TTC6: variants seen among roughly 807,000 people sequenced by gnomAD.
TTC6 encodes the protein tetratricopeptide repeat protein 6.
In TTC6, 172 loss-of-function variants were observed where a neutral mutation model predicts 210.4. That is an observed-to-expected ratio of 0.82 (90% CI 0.72 to 0.93). The LOEUF is 0.93. Ranked by LOEUF, TTC6 falls within the 40% of genes least tolerant of loss-of-function variation. The pLI is 0.00. For missense variants in TTC6, 2,414 were observed against 2,318.1 expected (o/e 1.04, Z -0.85); for synonymous variants, 804 against 819.6 (o/e 0.98, Z 0.32).
In TTC6 at chr14:37,736,015, G is replaced by A. The variant is rs2095900620; in HGVS notation, c.1908+5G>A. The stretch of plus-strand genomic sequence containing the variant: ...CATAGCAGAACAAATTTTTGGGTAT[G>A]TACAATTTTTGTTCTTAATTAGGAT... On this transcript the variant is annotated splice_donor_5th_base_variant and intron_variant, in intron 8 of 30. Transcript: ENST00000553443. The A allele has an allele frequency of 3.4e-6, 5 of 1,488,764 alleles. No homozygotes were observed. The highest frequency in any genetic ancestry group is 1.4e-5 in the African/African-American group (1 of 71,842). 92.2% of individuals were successfully genotyped at this position (1,488,764 alleles called of 1,614,324 possible).
At chr14:37,670,398 A>G (rs1187887598) in intron 1 of TTC6, among the ~76,000 whole-genome samples, 2 of 151,302 alleles carry the variant, frequency 1.3e-5, no homozygotes, top group East Asian at 1.9e-4. Flanking sequence ...AGGAGGGCAT[A>G]TTAACTATTA....
At chr14:37,635,987 A>G (rs1202752500) in intron 1 of TTC6, among the ~76,000 whole-genome samples, 1 of 149,938 alleles carries the variant, frequency 6.7e-6, no homozygotes, top group Non-Finnish European at 1.5e-5. Flanking sequence ...TTTCCAAAAA[A>G]AAAAAAAAAA....
intron 5 of TTC6, among the ~76,000 whole-genome samples, chr14:37,714,360 A>C (rs1458665041): frequency 6.9e-6 from 1 of 144,962 alleles, no homozygotes; most frequent in Admixed American, 6.9e-5. Context: ...GAAGGTAAAG[A>C]AGTTTTTTTT....
intron 1 of TTC6, among the ~76,000 whole-genome samples, chr14:37,635,952 C>G (rs1170020324): frequency 1.4e-5 from 2 of 146,296 alleles, no homozygotes; most frequent in Non-Finnish European, 1.5e-5. Flanking sequence ...GCACTCCAGC[C>G]CCTGGCAACA....
At chr14:37,617,537 T>A (rs1025291722), upstream of TTC6, among the ~76,000 whole-genome samples, 2 of 152,144 alleles carry the variant, frequency 1.3e-5, no homozygotes, top group African/African-American at 4.8e-5. Context: ...TAAAGGCAGC[T>A]AAACAAGTAT....
At chr14:37,718,602 T>G (rs1438540362) in intron 6 of TTC6, among the ~76,000 whole-genome samples, 1 of 152,164 alleles carries the variant, frequency 6.6e-6, no homozygotes, top group Non-Finnish European at 1.5e-5. Context: ...GCTGCCCGTA[T>G]GTGCAGATGA....
chr14:37,775,807 G>A (rs2096035527), intron 14 of TTC6, among the ~76,000 whole-genome samples: 1 of 152,040 alleles, frequency 6.6e-6, no homozygotes, highest in Non-Finnish European at 1.5e-5. Flanking sequence ...CTCCTATGTT[G>A]GGTGCATATA....
intron 1 of TTC6, among the ~76,000 whole-genome samples, chr14:37,644,030 C>A (rs961197134): frequency 1.3e-5 from 2 of 152,102 alleles, no homozygotes; most frequent in African/African-American, 4.8e-5. Context: ...TATCCATTTA[C>A]AATGGAATCT....
chr14:37,702,113 C>T (rs529689610), intron 5 of TTC6, among the ~76,000 whole-genome samples: 6 of 152,236 alleles, frequency 3.9e-5, no homozygotes, highest in Admixed American at 6.5e-5. Flanking sequence ...AACTATATTC[C>T]GAGCAACTGT....
At chr14:37,723,067 T>C (rs2095864905) in intron 6 of TTC6, among the ~76,000 whole-genome samples, 2 of 152,232 alleles carry the variant, frequency 1.3e-5, no homozygotes, top group Admixed American at 1.3e-4. Context: ...TTATTATTAG[T>C]TTTGATAAAA....
intron 1 of TTC6, among the ~76,000 whole-genome samples, chr14:37,651,427 T>TATA (rs2095712541): frequency 6.4e-4 from 14 of 21,798 alleles, no homozygotes; most frequent in South Asian, 5.5e-3. Context: ...ATATATATAT[T>TATA]TTTTTTTTTT....
chr14:37,690,008 C>T (rs1241470338), intron 3 of TTC6, among the ~76,000 whole-genome samples: 3 of 151,940 alleles, frequency 2.0e-5, no homozygotes, highest in African/African-American at 7.2e-5. Context: ...AACAAGTTTT[C>T]AAGATATAAA....
At chr14:37,677,673 G>A (rs2138524634) in intron 1 of TTC6, among the ~76,000 whole-genome samples, 1 of 151,742 alleles carries the variant, frequency 6.6e-6, no homozygotes, top group African/African-American at 2.4e-5. Context: ...TCCCTTTCTG[G>A]AACCCCAATT....
intron 7 of TTC6, among the ~76,000 whole-genome samples, chr14:37,728,190 A>G (rs1367101387): frequency 2.0e-5 from 3 of 151,982 alleles, no homozygotes; most frequent in Admixed American, 1.3e-4. Flanking sequence ...ATTATACTGT[A>G]ATATTGTTAC....
intron 3 of TTC6, among the ~76,000 whole-genome samples, chr14:37,690,846 C>T (rs980237185): frequency 6.6e-6 from 1 of 152,200 alleles, no homozygotes; most frequent in Non-Finnish European, 1.5e-5. Flanking sequence ...AAACATCAGA[C>T]TTAATCTGCA....
intron 3 of TTC6, among the ~76,000 whole-genome samples, chr14:37,695,976 G>A (rs1045735467): frequency 2.6e-5 from 4 of 152,154 alleles, no homozygotes; most frequent in Admixed American, 1.3e-4. Flanking sequence ...AAACTTCAGT[G>A]TTTTTCCTGG....
At chr14:37,632,816 C>T (rs1323344242) in intron 1 of TTC6, among the ~76,000 whole-genome samples, 1 of 152,220 alleles carries the variant, frequency 6.6e-6, no homozygotes, top group East Asian at 1.9e-4. Flanking sequence ...ATGCCCTGCC[C>T]AGAGAGGAGG....
intron 14 of TTC6, among the ~76,000 whole-genome samples, chr14:37,760,342 G>A (rs1333495426): frequency 6.6e-6 from 1 of 152,196 alleles, no homozygotes; most frequent in African/African-American, 2.4e-5. Context: ...CTGCAGAAAA[G>A]CAGTTTGCTT....
At chr14:37,622,861 C>T (rs1178407531) in exon 1 of TTC6, 3 of 1,534,572 alleles carry the variant, frequency 2.0e-6, no homozygotes, top group Non-Finnish European at 2.6e-6. Flanking sequence ...GCCTGGCAGG[C>T]GCTGCTGCCC....
Sources: gnomAD v4.1 joint callset for allele counts (sites outside exome capture counted in the v4.1 genomes callset) on GRCh38, gnomAD v4.1.1 for gene constraint, MANE v1.5 for transcripts, NCBI Gene and HGNC (gene_info 2026-07-23, HGNC 2026-07-21) for gene names.